CDK13: variants seen among roughly 807,000 people sequenced by gnomAD.
CDK13 encodes cyclin dependent kinase 13.
In CDK13, 40 loss-of-function variants were observed where a neutral mutation model predicts 137.6. That is an observed-to-expected ratio of 0.29 (90% CI 0.23 to 0.38). CDK13 has a LOEUF of 0.38. Among genes scored for constraint, CDK13 ranks in the 10% least tolerant of loss-of-function variants. CDK13 has a pLI of 1.00. For missense variants in CDK13, 1,704 were observed against 1,951.8 expected, an observed-to-expected ratio of 0.87 and a Z score of 2.39; for synonymous variants, 869 against 760.1, an observed-to-expected ratio of 1.14 and a Z score of -2.36.
chr7:39,963,533 T>A (rs1783799241), intron 1 of CDK13, among the ~76,000 whole-genome samples: 1 of 152,160 alleles, frequency 6.6e-6, no homozygotes. Context: ...GGCTGAGATG[T>A]TGGGGTTTTC....
Position 39,988,256 on chromosome 7 carries a change from T to C in CDK13, c.1869T>C (p.Asp623=). The C allele has an allele frequency of 1.9e-6, 3 of 1,589,702 alleles. 1 individual carries two copies. Among genetic ancestry groups the C allele is most frequent in the Non-Finnish European group, 8.5e-7 (1 of 1,172,712 alleles). Residue 623 remains aspartate (D), a splice_region_variant and synonymous_variant, in exon 2 of 14, where the codon GAT becomes GAC. Coordinates refer to ENST00000181839, the MANE Select transcript of CDK13 (RefSeq NM_003718.5). Reference sequence around the variant, plus strand: ...TGCTGCCTGAAGATAAAGAAGCTGATAGGTAAGTGCAAAAAGTATTTGTCA... The same window carrying C: ...TGCTGCCTGAAGATAAAGAAGCTGACAGGTAAGTGCAAAAAGTATTTGTCA... ...PPMLPEDKEA[D]SLRGNISVKA... is the part of the protein sequence containing the mutation.
chr7:39,989,086 C>CAAAAAAAAAA (rs1213730855), intron 2 of CDK13, among the ~76,000 whole-genome samples: 1 of 46,686 alleles, frequency 2.1e-5, no homozygotes. Context: ...CGTGTCTCAC[C>CAAAAAAAAAA]AAAAAAAAAA....
chr7:39,999,139 G>T, intron 3 of CDK13: 1 of 351,476 alleles, frequency 2.8e-6, no homozygotes, highest in East Asian at 4.3e-5. Flanking sequence ...TTAAATACTT[G>T]TCTACAGAAG....
At position 40,098,146 on chromosome 7, in the gene CDK13, AAAC is replaced by A. The variant is rs765599767; in HGVS notation, c.*3170_*3172del. ...ATAGAGATGGTTATGGAGAGAAATC[AAAC>A]AACTGGAATAGCTGTTTGATATCAC... On this transcript the variant is annotated 3_prime_UTR_variant, in exon 14 of 14. Coordinates refer to ENST00000181839, the MANE Select transcript of CDK13 (RefSeq NM_003718.5). The A allele has an allele frequency of 1.3e-5, 2 of 152,022 alleles. No individual in the cohort carries two copies. The highest frequency in any genetic ancestry group is 2.4e-5 in the African/African-American group (1 of 41,434). The allele number at this position is 152,022 out of a possible 1,614,324, so 9.4% of individuals were successfully genotyped here.
At chr7:40,073,955 T>G (rs1786482463) in intron 9 of CDK13, among the ~76,000 whole-genome samples, 2 of 149,304 alleles carry the variant, frequency 1.3e-5, no homozygotes, top group Admixed American at 1.4e-4. Context: ...CAGGCTGGAG[T>G]GCAGTGGCCT....
At chr7:40,044,423 A>G (rs1360334861) in intron 5 of CDK13, among the ~76,000 whole-genome samples, 4 of 151,378 alleles carry the variant, frequency 2.6e-5, no homozygotes, top group Non-Finnish European at 5.9e-5. Flanking sequence ...GGCTCAAGCC[A>G]TCCTCCTACT....
intron 5 of CDK13, among the ~76,000 whole-genome samples, chr7:40,016,842 T>C (rs897762123): frequency 6.6e-6 from 1 of 152,236 alleles, no homozygotes; most frequent in African/African-American, 2.4e-5. Flanking sequence ...TTTTAAAAAA[T>C]TTTTCTCGTT....
At chr7:39,985,400 TC>T (rs1784316247) in intron 1 of CDK13, 2 of 163,096 alleles carry the variant, frequency 1.2e-5, no homozygotes, top group Admixed American at 6.5e-5. Context: ...TACTTCCAAA[TC>T]TTGGCTAATG....
intron 1 of CDK13, among the ~76,000 whole-genome samples, chr7:39,973,414 G>T (rs780358345): frequency 6.6e-6 from 1 of 152,120 alleles, no homozygotes; most frequent in Non-Finnish European, 1.5e-5. Flanking sequence ...GGGATTATGG[G>T]CATGAGACAC....
chr7:39,984,175 C>G (rs1223452502), intron 1 of CDK13: 1 of 152,284 alleles, frequency 6.6e-6, no homozygotes, highest in Non-Finnish European at 1.5e-5. Context: ...AATCCCAGCA[C>G]TTTGCGATGC....
intron 11 of CDK13, among the ~76,000 whole-genome samples, chr7:40,087,420 G>A (rs1786812861): frequency 1.3e-5 from 2 of 152,278 alleles, no homozygotes; most frequent in South Asian, 4.2e-4. Flanking sequence ...TGGGATTATA[G>A]GCGTGAGCCA....
chr7:40,055,198 T>G (rs1169921153), intron 7 of CDK13, among the ~76,000 whole-genome samples: 1 of 114,618 alleles, frequency 8.7e-6, no homozygotes, highest in African/African-American at 4.2e-5. Context: ...GTGTGTGTGT[T>G]TTCCTGGGTT....
At chr7:39,976,742 T>C (rs950810525) in intron 1 of CDK13, among the ~76,000 whole-genome samples, 1 of 152,108 alleles carries the variant, frequency 6.6e-6, no homozygotes, top group Non-Finnish European at 1.5e-5. Context: ...AATAGAACAA[T>C]TATAACAATA....
At chr7:40,033,316 AC>A (rs1465538493) in intron 5 of CDK13, among the ~76,000 whole-genome samples, 4 of 152,080 alleles carry the variant, frequency 2.6e-5, no homozygotes, top group Admixed American at 2.6e-4. Flanking sequence ...CATTTTGCCC[AC>A]CTTTTTTCCA....
chr7:40,077,137 T>C (rs1038868963), intron 9 of CDK13, among the ~76,000 whole-genome samples: 4 of 152,208 alleles, frequency 2.6e-5, no homozygotes, highest in African/African-American at 9.6e-5. Context: ...TTAAAATTTC[T>C]TTATGACTTA....
intron 9 of CDK13, 61 bp from the exon 10 acceptor site, chr7:40,077,944 A>C (rs199498065): frequency 3.0e-5 from 20 of 670,572 alleles, no homozygotes. Context: ...GTTTTGTATA[A>C]CAGTTGTATG....
chr7:40,001,203 C>T (rs1377459645), intron 4 of CDK13, among the ~76,000 whole-genome samples: 1 of 150,012 alleles, frequency 6.7e-6, no homozygotes, highest in Non-Finnish European at 1.5e-5. Flanking sequence ...TGTGATATAC[C>T]CAGTCTTCAG....
chr7:39,987,548 C>G (rs369791356), intron 1 of CDK13, 51 bp from the exon 2 acceptor site: 1 of 1,425,390 alleles, frequency 7.0e-7, no homozygotes, highest in Non-Finnish European at 9.4e-7. Context: ...TTGTAAATTC[C>G]AAACTGAACC....
chr7:39,962,321 C>G (rs1307248837), intron 1 of CDK13, among the ~76,000 whole-genome samples: 1 of 152,142 alleles, frequency 6.6e-6, no homozygotes, highest in Non-Finnish European at 1.5e-5. Context: ...TTTTAATGAT[C>G]ACCATTCTAA....
Sources: allele counts gnomAD v4.1 joint callset (sites outside exome capture counted in the v4.1 genomes callset), GRCh38; gene constraint gnomAD v4.1.1; transcripts MANE v1.5; gene names NCBI Gene and HGNC (gene_info 2026-07-23, HGNC 2026-07-21).